CNBD1: variants seen among roughly 807,000 people sequenced by gnomAD.
CNBD1 encodes the protein cyclic nucleotide binding domain containing 1, also known as cyclic nucleotide-binding domain-containing protein 1.
A neutral mutation model predicts 54.4 loss-of-function variants in CNBD1; 71 were observed. The ratio of observed to expected loss-of-function variants is 1.30; its 90% CI spans 1.08 to 1.59. The LOEUF (loss-of-function observed/expected upper bound fraction) is 1.59, where lower values mean the gene tolerates loss of function less well. Ranked by LOEUF, CNBD1 falls within the 40% of genes most tolerant of loss-of-function variation. The pLI, the probability that CNBD1 is intolerant of heterozygous loss-of-function variation, is 0.00. For synonymous variants in CNBD1, 182 were observed against 170.7 expected (o/e 1.07, Z -0.51); for missense variants, 659 against 518.0 (o/e 1.27, Z -2.64).
At position 87,237,030 on chromosome 8, in the gene CNBD1, A is replaced by T; in HGVS notation, c.689A>T (p.Gln230Leu). The change falls in exon 6 of 11, where the codon CAG becomes CTG. Residue 230 changes from glutamine (Q) to leucine (L), a missense_variant. Transcript: ENST00000518476. ...GSDSPDSFIS[Q>L]SFHSFIWSEE... ...GATTCACCAGACTCGTTCATATCTC[A>T]GAGTTTCCACAGCTTCATTTGGAGT... The T allele has an allele frequency of 6.2e-7, 1 of 1,610,086 alleles. No homozygotes were observed.
At chr8:87,022,428 T>C (rs900805649) in intron 4 of CNBD1, among the ~76,000 whole-genome samples, 1 of 152,222 alleles carries the variant, frequency 6.6e-6, no homozygotes, top group Non-Finnish European at 1.5e-5. Context: ...TCATCTGTAA[T>C]ACAATTTACT....
rs1808707678 is a variant in CNBD1, at chr8:87,286,680, A to C, written c.1042+9A>C. 1 of 1,529,300 alleles carries C rather than the reference A, an allele frequency of 6.5e-7. No individual in the cohort carries two copies. The highest frequency in any genetic ancestry group is 8.8e-7 in the Non-Finnish European group (1 of 1,131,274). The allele number at this position is 1,529,300 out of a possible 1,614,324, so 94.7% of individuals were successfully genotyped here. A position where few individuals can be genotyped will look rare whatever the true frequency, so the allele number is the denominator to read the frequency against. Reference sequence around the variant, plus strand: ...ATTTCCTCCAGGTCATGGTAAGTTTAATGCAATTTAGATCATTTTGTTTGC... The same window carrying C: ...ATTTCCTCCAGGTCATGGTAAGTTTCATGCAATTTAGATCATTTTGTTTGC... On this transcript the variant is annotated intron_variant, in intron 8 of 10. Transcript: ENST00000518476.
At chr8:87,247,652 C>T (rs1036298201) in intron 6 of CNBD1, among the ~76,000 whole-genome samples, 2 of 152,156 alleles carry the variant, frequency 1.3e-5, no homozygotes, top group African/African-American at 2.4e-5. Context: ...TCTGGAGTGG[C>T]TCTCATAACT....
intron 2 of CNBD1, among the ~76,000 whole-genome samples, chr8:87,419,060 A>G (rs1807882348): frequency 6.6e-6 from 1 of 151,864 alleles, no homozygotes; most frequent in African/African-American, 2.4e-5. Context: ...CTGAATGTTC[A>G]CCAACTGATG....
At chr8:87,230,896 G>A (rs1399810875) in intron 5 of CNBD1, among the ~76,000 whole-genome samples, 1 of 152,126 alleles carries the variant, frequency 6.6e-6, no homozygotes, top group Non-Finnish European at 1.5e-5. Context: ...CTAGTGAAAG[G>A]TATACTTAGA....
At chr8:87,376,990 T>A (rs999612150) in intron 10 of CNBD1, among the ~76,000 whole-genome samples, 3 of 150,954 alleles carry the variant, frequency 2.0e-5, no homozygotes, top group African/African-American at 7.2e-5. Flanking sequence ...ATACTAAGTG[T>A]TGATATTTGT....
chr8:86,960,114 C>G (rs1467889385), intron 4 of CNBD1, among the ~76,000 whole-genome samples: 3 of 152,088 alleles, frequency 2.0e-5, no homozygotes, highest in Non-Finnish European at 4.4e-5. Context: ...ACTGAGGTAC[C>G]AGGTTCATCT....
Position 87,423,759 on chromosome 8 carries a change from C to T in CNBD1, c.214-4787C>T, listed in dbSNP as rs553553300. 7.1e-4 allele frequency among the ~76,000 whole-genome samples: 108 copies of T among 151,724 alleles called. No individual in the cohort carries two copies. In the East Asian group the frequency reaches 0.013, roughly 18 times the overall value. ...TCTCTTTTTTGGTTGTGTCTCTGCC[C>T]GGCTTTTGTATCAGAATGATGCTGG... On this transcript the variant is annotated intron_variant, in intron 2 of 7. Coordinates refer to the CNBD1 transcript ENST00000521593.
chr8:87,117,541 A>T (rs2130711501), intron 4 of CNBD1, among the ~76,000 whole-genome samples: 1 of 152,328 alleles, frequency 6.6e-6, no homozygotes, highest in African/African-American at 2.4e-5. Context: ...CTCTAGGGAC[A>T]TCTTATTTCC....
chr8:87,296,342 G>C (rs1391944998), intron 8 of CNBD1, among the ~76,000 whole-genome samples: 2 of 152,020 alleles, frequency 1.3e-5, no homozygotes, highest in East Asian at 3.9e-4. Context: ...GGGATAAAAT[G>C]AACAAAGATA....
intron 8 of CNBD1, among the ~76,000 whole-genome samples, chr8:87,307,319 A>G (rs1032300149): frequency 2.7e-4 from 41 of 152,360 alleles, no homozygotes; most frequent in African/African-American, 9.1e-4. Flanking sequence ...ATTAAAGTGT[A>G]GGACACTAGC....
chr8:87,339,462 T>A (rs977712778), intron 8 of CNBD1, among the ~76,000 whole-genome samples: 4 of 151,656 alleles, frequency 2.6e-5, no homozygotes, highest in African/African-American at 7.3e-5. Context: ...TCTCTCCAAT[T>A]TCTGGGGCAG....
chr8:87,286,347 T>A (rs1204608016), intron 7 of CNBD1, among the ~76,000 whole-genome samples, 192 bp from the exon 8 acceptor site: 1 of 152,156 alleles, frequency 6.6e-6, no homozygotes, highest in African/African-American at 2.4e-5. Context: ...TTTTAGTAAG[T>A]AGATCTGAAG....
At chr8:87,229,724 CT>C (rs1243882290) in intron 5 of CNBD1, among the ~76,000 whole-genome samples, 1 of 151,920 alleles carries the variant, frequency 6.6e-6, no homozygotes, top group Non-Finnish European at 1.5e-5. Context: ...TTATTCTCCC[CT>C]AGTACATCTA....
chr8:86,973,008 A>C (rs1586173066), intron 4 of CNBD1, among the ~76,000 whole-genome samples: 1 of 152,236 alleles, frequency 6.6e-6, no homozygotes, highest in Non-Finnish European at 1.5e-5. Context: ...TAATTTCTTC[A>C]TTAAAAATCC....
At chr8:87,288,925 T>C (rs1424864301) in intron 8 of CNBD1, among the ~76,000 whole-genome samples, 1 of 152,090 alleles carries the variant, frequency 6.6e-6, no homozygotes, top group Admixed American at 6.6e-5. Flanking sequence ...TAAATATACC[T>C]ACGTGAAGAA....
intron 4 of CNBD1, among the ~76,000 whole-genome samples, chr8:87,173,107 A>G (rs1813123135): frequency 6.6e-6 from 1 of 152,204 alleles, no homozygotes; most frequent in African/African-American, 2.4e-5. Context: ...TTAAACTGGT[A>G]ACAACTTAAC....
At chr8:87,315,886 G>A (rs1809374899) in intron 8 of CNBD1, among the ~76,000 whole-genome samples, 1 of 151,966 alleles carries the variant, frequency 6.6e-6, no homozygotes, top group African/African-American at 2.4e-5. Flanking sequence ...AAGAATAAAT[G>A]TTTGAGGTGA....
At chr8:87,385,404 G>A (rs533791634), downstream of CNBD1, among the ~76,000 whole-genome samples, 27 of 152,128 alleles carry the variant, frequency 1.8e-4, no homozygotes, top group African/African-American at 3.6e-4. Context: ...CTGGAAAATC[G>A]GGTCACTGCC....
Sources: gnomAD v4.1 joint callset for allele counts (sites outside exome capture counted in the v4.1 genomes callset) on GRCh38, gnomAD v4.1.1 for gene constraint, MANE v1.5 for transcripts, NCBI Gene and HGNC (gene_info 2026-07-23, HGNC 2026-07-21) for gene names.